Variants in CECR2 observed in about 807,000 individuals in gnomAD.
CECR2 encodes the protein chromatin remodeling regulator CECR2.
Under a neutral mutation model 154.5 loss-of-function variants are expected in CECR2, and 30 were observed. That is an observed-to-expected ratio of 0.19 (90% CI 0.15 to 0.26). The LOEUF (loss-of-function observed/expected upper bound fraction) is 0.26, where lower values mean the gene tolerates loss of function less well. CECR2 is among the 10% of genes least tolerant of loss of function. CECR2 has a pLI of 1.00. For missense variants in CECR2, 1,743 were observed against 1,829.3 expected (o/e 0.95, Z 0.86); for synonymous variants, 725 against 683.7 (o/e 1.06, Z -0.94).
intron 1 of CECR2, among the ~76,000 whole-genome samples, chr22:17,362,693 G>C (rs996037337): frequency 6.6e-6 from 1 of 151,710 alleles, no homozygotes; most frequent in African/African-American, 2.4e-5. Context: ...CATGAGTTCA[G>C]GAGTTCAAGA....
At chr22:17,443,108 G>A (rs1024652725) in intron 1 of CECR2, among the ~76,000 whole-genome samples, 1 of 152,166 alleles carries the variant, frequency 6.6e-6, no homozygotes, top group African/African-American at 2.4e-5. Flanking sequence ...GCTTCTGAGC[G>A]TCTCTTCCTG....
In CECR2 at chr22:17,491,581, G is replaced by GGC. The variant is rs766998122; in HGVS notation, c.222-5822_222-5821insGC. On this transcript the variant is annotated intron_variant, in intron 2 of 18. Transcript: ENST00000262608. Reference sequence around the variant, plus strand: ...GGCTTCTTATTCTGTGTGTGTGTGTGTGGGGGGGTGGGTGTTTAGCAGTCG... The same window carrying GGC: ...GGCTTCTTATTCTGTGTGTGTGTGTGGCTGGGGGGGTGGGTGTTTAGCAGTCG... 3.6e-3 allele frequency among the ~76,000 whole-genome samples: 189 copies of GGC among 52,812 alleles called. 8 individuals carry two copies. Among genetic ancestry groups the GGC allele is most frequent in the Non-Finnish European group, 5.3e-3 (135 of 25,334 alleles). The allele number at this position is 52,812 out of a possible 152,430, so 34.6% of individuals were successfully genotyped here. A position where few individuals can be genotyped will look rare whatever the true frequency, so the allele number is the denominator to read the frequency against.
chr22:17,538,693 G>A lies in CECR2; in HGVS notation c.1330G>A (p.Asp444Asn), dbSNP rs951271508. ...TTCCTGGCCCTTCTTGGAACCTGTG[G>A]ATGAATCTTATGCCCCTAACTATTA... ...KDSWPFLEPV[D>N]ESYAPNYYQI... The change falls in exon 12 of 19, where the codon GAT becomes AAT. Residue 444 changes from aspartate to asparagine, a missense_variant. Physicochemically the swap from Asp to Asn is conservative, Grantham distance 23. Coordinates refer to ENST00000262608, the MANE Select transcript of CECR2 (RefSeq NM_001290047.2). 1.2e-6 allele frequency: 2 copies of A among 1,613,838 alleles called. No homozygotes were observed. The highest frequency in any genetic ancestry group is 2.7e-5 in the African/African-American group (2 of 74,924).
chr22:17,466,819 C>T lies in CECR2; in HGVS notation c.127-10769C>T, dbSNP rs1414949463. ...ATGTTGGTCAGGCTGGTCTCGAACT[C>T]CTGACCTTGTGATCCTCCCGCCCCG... is the stretch of plus-strand genomic sequence containing the variant. On this transcript the variant is annotated intron_variant, in intron 1 of 18. Coordinates refer to ENST00000262608, the MANE Select transcript of CECR2 (RefSeq NM_001290047.2). 5.3e-5 allele frequency among the ~76,000 whole-genome samples: 8 copies of T among 152,162 alleles called. No homozygotes were observed. The East Asian group carries it at 9.6e-4, about 18-fold the overall frequency.
chr22:17,396,387 AAT>A (rs1361068315), intron 1 of CECR2, among the ~76,000 whole-genome samples: 2 of 152,176 alleles, frequency 1.3e-5, no homozygotes, highest in Non-Finnish European at 2.9e-5. Context: ...TCTACTACGA[AAT>A]ACAAAAATTA....
At chr22:17,446,912 T>A (rs1179522401) in intron 1 of CECR2, among the ~76,000 whole-genome samples, 2 of 145,560 alleles carry the variant, frequency 1.4e-5, no homozygotes, top group African/African-American at 2.7e-5. Context: ...CGCTGATTGG[T>A]CCATTTTACA....
At chr22:17,541,325 T>C (rs1362889603) in intron 14 of CECR2, among the ~76,000 whole-genome samples, 1 of 151,946 alleles carries the variant, frequency 6.6e-6, no homozygotes, top group Non-Finnish European at 1.5e-5. Flanking sequence ...GTGGTGGCGC[T>C]ACTCAGCTAC....
At chr22:17,365,940 C>T (rs989106989), upstream of CECR2, among the ~76,000 whole-genome samples, 1 of 151,874 alleles carries the variant, frequency 6.6e-6, no homozygotes. Flanking sequence ...AACATTACTT[C>T]ATATTTTGCA....
chr22:17,470,704 T>C (rs1464571819), intron 1 of CECR2, among the ~76,000 whole-genome samples: 2 of 152,162 alleles, frequency 1.3e-5, no homozygotes, highest in South Asian at 2.1e-4. Flanking sequence ...ACTGACTGTG[T>C]GTCTGAAACT....
chr22:17,545,396 A>AAAAT (rs2056597949), intron 16 of CECR2, among the ~76,000 whole-genome samples: 1 of 151,230 alleles, frequency 6.6e-6, no homozygotes, highest in East Asian at 1.9e-4. Context: ...AAAAAAAAAA[A>AAAAT]AGAAATGCCG....
chr22:17,407,941 A>G (rs1229356279), intron 1 of CECR2, among the ~76,000 whole-genome samples: 1 of 152,228 alleles, frequency 6.6e-6, no homozygotes, highest in Non-Finnish European at 1.5e-5. Context: ...TCATTAGAAC[A>G]TGGGTGTCCG....
chr22:17,518,041 C>T (rs1346237864), intron 8 of CECR2, among the ~76,000 whole-genome samples: 1 of 152,032 alleles, frequency 6.6e-6, no homozygotes, highest in East Asian at 1.9e-4. Flanking sequence ...TGTTCCTTGC[C>T]CTCATATGCT....
Position 17,549,432 on chromosome 22 carries a change from G to A in CECR2, c.4145G>A (p.Gly1382Asp), listed in dbSNP as rs753040424. 6.2e-7 allele frequency: 1 copy of A among 1,613,144 alleles called. No homozygotes were observed. The highest frequency in any genetic ancestry group is 1.1e-5 in the South Asian group (1 of 90,982). Residue 1382 changes from glycine (G) to aspartate (D), a missense_variant, in exon 17 of 19, where the codon GGC (glycine) becomes GAC (aspartate). By Grantham distance (94) the Gly-to-Asp change is moderately conservative (BLOSUM62 -1). Around this residue, in one of 4 missense-constraint regions of CECR2, gnomAD observed 1,250 missense variants for 1,192.1 expected, o/e 1.05. Transcript: ENST00000262608. ...PHHPGATQPN[G>D]LSQEGPIYRC... The stretch of plus-strand genomic sequence containing the variant: ...CACCCAGGGGCCACCCAGCCCAACG[G>A]CCTCTCTCAGGAGGGTCCCATCTAT...
At chr22:17,420,447 AC>A (rs1455516065) in intron 1 of CECR2, among the ~76,000 whole-genome samples, 12 of 151,716 alleles carry the variant, frequency 7.9e-5, no homozygotes, top group Non-Finnish European at 1.2e-4. Context: ...TTTTCTTGGA[AC>A]CCTTCTCAGT....
rs2055963959 is a variant in CECR2 at position 17,511,914 on chromosome 22, T to G, written c.954+18T>G. 1 of 1,580,530 alleles carries G rather than the reference T, an allele frequency of 6.3e-7. No individual in the cohort carries two copies. Among genetic ancestry groups the G allele is most frequent in the African/African-American group, 1.4e-5 (1 of 74,000 alleles). On this transcript the variant is annotated intron_variant, in intron 8 of 18. Coordinates refer to ENST00000262608, the MANE Select transcript of CECR2 (RefSeq NM_001290047.2). ...AGCAAGAGGTGAGTGTGGGTGAGAG[T>G]AGCGAGGAGGAGCTTTCCTGATGAA...
chr22:17,428,339 GCCTAGAT>G (rs988900789), intron 1 of CECR2: 2 of 152,132 alleles, frequency 1.3e-5, no homozygotes, highest in Non-Finnish European at 2.9e-5. Flanking sequence ...GATTGTTACT[GCCTAGAT>G]CCTAGATCCA....
chr22:17,463,893 T>C (rs1010667170), intron 1 of CECR2, among the ~76,000 whole-genome samples: 9 of 151,924 alleles, frequency 5.9e-5, no homozygotes, highest in Admixed American at 1.3e-4. Context: ...TCTCCAGCAG[T>C]AGAGTTGGAG....
intron 2 of CECR2, among the ~76,000 whole-genome samples, chr22:17,488,427 A>G (rs1289259360): frequency 2.0e-5 from 3 of 152,238 alleles, no homozygotes; most frequent in Non-Finnish European, 4.4e-5. Context: ...CTGTCTTCCC[A>G]GAAAGTTTCC....
chr22:17,390,559 T>A (rs528767730), intron 1 of CECR2, among the ~76,000 whole-genome samples: 20 of 152,342 alleles, frequency 1.3e-4, no homozygotes, highest in African/African-American at 3.8e-4. Flanking sequence ...GTTGCCAGAT[T>A]CCTTTTTACA....
Sources: allele counts gnomAD v4.1 joint callset (sites outside exome capture counted in the v4.1 genomes callset), GRCh38; gene constraint gnomAD v4.1.1; regional missense constraint gnomAD v4.1.1; transcripts MANE v1.5; gene names NCBI Gene and HGNC (gene_info 2026-07-23, HGNC 2026-07-21).